The following OR2C1 variants were observed in gnomAD, a reference collection of about 807,000 sequenced individuals.
OR2C1 encodes olfactory receptor 2C1.
For missense variants in OR2C1, 468 were observed against 388.3 expected (o/e 1.21, Z -1.73); for synonymous variants, 209 against 167.3 (o/e 1.25, Z -1.92).
the OR2C1 span, among the ~76,000 whole-genome samples, chr16:3,332,294 C>T: frequency 6.6e-6 from 1 of 151,452 alleles, no homozygotes; most frequent in Non-Finnish European, 1.5e-5. Flanking sequence ...CAGGGTCTTG[C>T]CATATTGCCC....
chr16:3,335,454 G>T, the OR2C1 span, among the ~76,000 whole-genome samples: 1 of 150,706 alleles, frequency 6.6e-6, no homozygotes, highest in East Asian at 1.9e-4. Flanking sequence ...TTGCAAGTGG[G>T]ATTGCTTTCT....
At chr16:3,327,481 A>C in the OR2C1 span, among the ~76,000 whole-genome samples, 1 of 152,014 alleles carries the variant, frequency 6.6e-6, no homozygotes, top group Admixed American at 6.6e-5. Flanking sequence ...TGACCAAAAA[A>C]CTTTACTGAC....
the OR2C1 span, among the ~76,000 whole-genome samples, chr16:3,336,070 T>C: frequency 6.6e-6 from 1 of 152,208 alleles, no homozygotes; most frequent in Admixed American, 6.5e-5. Flanking sequence ...ATATATGGAC[T>C]TTATTATTTT....
the OR2C1 span, among the ~76,000 whole-genome samples, chr16:3,333,210 C>CTTTTTTTTTTTTTTTTTTTT: frequency 6.1e-5 from 2 of 33,030 alleles, 1 homozygote; most frequent in African/African-American, 1.9e-4. Context: ...ATCTTTTGCC[C>CTTTTTTTTTTTTTTTTTTTT]ATTTTTTTTT....
upstream of OR2C1, among the ~76,000 whole-genome samples, chr16:3,354,721 G>A (rs1356273943): frequency 6.6e-6 from 1 of 152,178 alleles, no homozygotes; most frequent in Non-Finnish European, 1.5e-5. Context: ...AATACAATGT[G>A]TCTGCTTCCC....
At chr16:3,344,513 G>T in the OR2C1 span, among the ~76,000 whole-genome samples, 1 of 152,118 alleles carries the variant, frequency 6.6e-6, no homozygotes, top group South Asian at 2.1e-4. Context: ...GGATCACGAG[G>T]TCAGGAGATC....
the OR2C1 span, chr16:3,323,483 A>G: frequency 4.1e-6 from 3 of 736,608 alleles, no homozygotes; most frequent in African/African-American, 5.1e-5. Context: ...GAATTCCCGG[A>G]CAGACTTCAG....
chr16:3,356,847 A>T lies in OR2C1; in HGVS notation c.907A>T (p.Arg303Trp), dbSNP rs773269792. 6.2e-7 allele frequency: 1 copy of T among 1,605,624 alleles called. No individual in the cohort carries two copies. Among genetic ancestry groups the T allele is most frequent in the Non-Finnish European group, 8.5e-7 (1 of 1,174,976 alleles). Reference protein sequence around the residue: ...RNMEVKGALRRLLGKGREVG With the variant: ...RNMEVKGALRWLLGKGREVG ...CATGGAAGTGAAGGGCGCACTGAGG[A>T]GGTTGCTGGGGAAAGGAAGAGAAGT... Residue 303 changes from arginine (R) to tryptophan (W), a missense_variant, in exon 1 of 1, where the codon AGG (arginine) becomes TGG (tryptophan). Arg to Trp is a moderately radical substitution (Grantham distance 101). Coordinates refer to ENST00000304936, the MANE Select transcript of OR2C1 (RefSeq NM_012368.3).
chr16:3,331,105 T>C, the OR2C1 span, among the ~76,000 whole-genome samples: 3 of 152,224 alleles, frequency 2.0e-5, no homozygotes, highest in South Asian at 2.1e-4. Flanking sequence ...GGTATCTCAT[T>C]GTGGTTTTGA....
chr16:3,356,877 T>C lies in OR2C1; in HGVS notation c.937T>C (p.Ter313ArgextTer30). 1.9e-6 allele frequency: 3 copies of C among 1,578,384 alleles called. No individual in the cohort carries two copies. Among genetic ancestry groups the C allele is most frequent in the Non-Finnish European group, 1.7e-6 (2 of 1,161,072 alleles). The change falls in exon 1 of 1, where the codon TGA becomes CGA. Residue 313 changes from the stop codon to arginine, a stop_lost. Coordinates refer to ENST00000304936, the MANE Select transcript of OR2C1 (RefSeq NM_012368.3). Reference protein sequence around the residue: ...RLLGKGREVG* With the variant: ...RLLGKGREVGR ...GCTGGGGAAAGGAAGAGAAGTTGGCTGAGAGAACACTCCTTCGTTATTTAT... is the reference window on the plus strand; with the variant it reads ...GCTGGGGAAAGGAAGAGAAGTTGGCCGAGAGAACACTCCTTCGTTATTTAT...
chr16:3,330,321 T>C, the OR2C1 span, among the ~76,000 whole-genome samples: 3 of 151,976 alleles, frequency 2.0e-5, no homozygotes, highest in African/African-American at 7.2e-5. Context: ...TTTCATCGTG[T>C]TATCCAGGAT....
chr16:3,343,747 G>C, the OR2C1 span, among the ~76,000 whole-genome samples: 1 of 150,954 alleles, frequency 6.6e-6, no homozygotes, highest in Non-Finnish European at 1.5e-5. Flanking sequence ...GCAAGACCCT[G>C]TCTCAAAAAA....
the OR2C1 span, among the ~76,000 whole-genome samples, chr16:3,347,984 T>G: frequency 6.6e-6 from 1 of 152,196 alleles, no homozygotes; most frequent in Non-Finnish European, 1.5e-5. Context: ...TTATGATAGA[T>G]GCATATTTAG....
At chr16:3,357,916 G>A (rs2030710256), downstream of OR2C1, among the ~76,000 whole-genome samples, 1 of 152,098 alleles carries the variant, frequency 6.6e-6, no homozygotes, top group South Asian at 2.1e-4. Context: ...GGGAGGCAGA[G>A]GTTGTGGTGA....
At chr16:3,349,416 C>T in the OR2C1 span, among the ~76,000 whole-genome samples, 1 of 152,094 alleles carries the variant, frequency 6.6e-6, no homozygotes, top group South Asian at 2.1e-4. Flanking sequence ...CTTCCAACTG[C>T]GACCCAGTGC....
chr16:3,350,677 C>G, the OR2C1 span, among the ~76,000 whole-genome samples: 1 of 151,738 alleles, frequency 6.6e-6, no homozygotes, highest in Admixed American at 6.6e-5. Context: ...TCCCAAAGTG[C>G]TGGGATTACA....
the OR2C1 span, among the ~76,000 whole-genome samples, chr16:3,335,539 TTTTTTG>T: frequency 7.1e-6 from 1 of 139,984 alleles, no homozygotes; most frequent in African/African-American, 2.8e-5. Flanking sequence ...TTTTTTTTTT[TTTTTTG>T]AGATTGAGTC....
the OR2C1 span, among the ~76,000 whole-genome samples, chr16:3,349,882 A>G: frequency 0.044 from 6,608 of 151,456 alleles, 192 homozygotes; most frequent in Middle Eastern, 0.061. Context: ...AGCCTGGGCA[A>G]CAAAGCGAGA....
At chr16:3,325,468 T>A in the OR2C1 span, among the ~76,000 whole-genome samples, 67 of 20,570 alleles carry the variant, frequency 3.3e-3, no homozygotes, top group Non-Finnish European at 5.2e-3. Context: ...AAAATATATA[T>A]ATATATATAT....
Sources: gnomAD v4.1 joint callset for allele counts (sites outside exome capture counted in the v4.1 genomes callset) on GRCh38, gnomAD v4.1.1 for gene constraint, MANE v1.5 for transcripts, NCBI Gene and HGNC (gene_info 2026-07-23, HGNC 2026-07-21) for gene names.